Variants in STAB2 observed in about 807,000 individuals in gnomAD.
STAB2 encodes stabilin 2.
In STAB2, 288 loss-of-function variants were observed where a neutral mutation model predicts 338.1. The observed-to-expected ratio is 0.85, with a 90% CI of 0.77 to 0.94. The LOEUF (loss-of-function observed/expected upper bound fraction) is 0.94, where lower values mean the gene tolerates loss of function less well. STAB2 is among the 40% of genes least tolerant of loss of function. The pLI is 0.00. For missense variants in STAB2, 3,141 were observed against 3,210.1 expected (o/e 0.98, Z 0.52); for synonymous variants, 1,202 against 1,193.3 (o/e 1.01, Z -0.15).
intron 25 of STAB2, among the ~76,000 whole-genome samples, chr12:103,681,060 G>A (rs1876854973): frequency 6.6e-6 from 1 of 152,162 alleles, no homozygotes. Flanking sequence ...AGCCACATAG[G>A]GTAAGTCCCA....
At chr12:103,686,837 C>G (rs894559254) in intron 27 of STAB2, among the ~76,000 whole-genome samples, 1 of 152,100 alleles carries the variant, frequency 6.6e-6, no homozygotes, top group Non-Finnish European at 1.5e-5. Flanking sequence ...GTTTAGCCGC[C>G]ACCTCCCCAG....
chr12:103,752,268 C>G (rs1474636450), intron 60 of STAB2, among the ~76,000 whole-genome samples: 4 of 152,132 alleles, frequency 2.6e-5, no homozygotes, highest in Non-Finnish European at 5.9e-5. Context: ...TTTGTTGTCT[C>G]AATAAAGAGA....
At chr12:103,678,866 T>G (rs780030731) in intron 25 of STAB2, among the ~76,000 whole-genome samples, 2 of 152,118 alleles carry the variant, frequency 1.3e-5, no homozygotes, top group Admixed American at 6.5e-5. Flanking sequence ...AAGAAGTTTT[T>G]AGGGCCTCCC....
intron 11 of STAB2, among the ~76,000 whole-genome samples, chr12:103,651,314 ATT>A (rs10669870): frequency 1.5e-5 from 2 of 132,686 alleles, no homozygotes; most frequent in Admixed American, 7.7e-5. Context: ...CCTGATCTTG[ATT>A]TTTTTTTTTT....
intron 45 of STAB2, 147 bp from the exon 46 acceptor site, chr12:103,725,969 A>T (rs975689395): frequency 3.0e-6 from 2 of 665,834 alleles, no homozygotes; most frequent in African/African-American, 1.8e-5. Flanking sequence ...CTGAACGTTA[A>T]TTGTCAGCCT....
intron 25 of STAB2, among the ~76,000 whole-genome samples, chr12:103,681,568 A>T (rs1046585688): frequency 7.2e-6 from 1 of 138,436 alleles, no homozygotes. Flanking sequence ...TCACGTTCAG[A>T]TGTTGTTCTC....
At chr12:103,626,011 C>G (rs1262923409) in intron 5 of STAB2, among the ~76,000 whole-genome samples, 2 of 152,034 alleles carry the variant, frequency 1.3e-5, no homozygotes, top group African/African-American at 2.4e-5. Context: ...CACATCCTCT[C>G]CAGCACCTGT....
rs1217177621 is a variant in STAB2, at chr12:103,763,558, T to C, written c.7555T>C (p.Tyr2519His). The change falls in exon 68 of 69, where the codon TAT (tyrosine) becomes CAT (histidine). Residue 2519 changes from tyrosine (Y) to histidine (H), a missense_variant. Coordinates refer to ENST00000388887, the MANE Select transcript of STAB2 (RefSeq NM_017564.10). ...GCCTGAGAATATCTCGAACCCCTTG[T>C]ATGAGAGCACAACCTCAGCTCCCCC... The part of the protein sequence containing the change: ...QQPENISNPL[Y>H]ESTTSAPPEP... 1.9e-6 allele frequency: 3 copies of C among 1,613,986 alleles called. No homozygotes were observed. The highest frequency in any genetic ancestry group is 2.5e-6 in the Non-Finnish European group (3 of 1,179,992).
intron 11 of STAB2, among the ~76,000 whole-genome samples, chr12:103,650,796 C>A (rs999781157): frequency 2.0e-5 from 3 of 152,166 alleles, no homozygotes; most frequent in African/African-American, 7.2e-5. Flanking sequence ...CCAACGTGAA[C>A]CTACTTGTGT....
chr12:103,615,609 C>T lies in STAB2; in HGVS notation c.332-4859C>T, dbSNP rs192536783. On this transcript the variant is annotated intron_variant, in intron 3 of 68. Coordinates refer to ENST00000388887, the MANE Select transcript of STAB2 (RefSeq NM_017564.10). ...ATCTAAGAGGTGCTTGTTAATGGCT[C>T]GCATACTGTATTAGTCCATTCTCAC... Among the ~76,000 whole-genome samples, 329 of 152,174 alleles carry T rather than the reference C, an allele frequency of 2.2e-3. 2 individuals are homozygous for T. The highest frequency in any genetic ancestry group is 7.5e-3 in the African/African-American group (310 of 41,496).
At chr12:103,650,870 T>C (rs1873688738) in intron 11 of STAB2, among the ~76,000 whole-genome samples, 1 of 152,198 alleles carries the variant, frequency 6.6e-6, no homozygotes, top group Non-Finnish European at 1.5e-5. Context: ...ATCATTACCC[T>C]CTACAGGTAA....
chr12:103,612,399 T>C (rs1306133981), intron 3 of STAB2, among the ~76,000 whole-genome samples: 2 of 152,244 alleles, frequency 1.3e-5, no homozygotes, highest in Non-Finnish European at 2.9e-5. Context: ...TATTCTTTTT[T>C]CTCTAAACTT....
intron 43 of STAB2, 25 bp from the exon 44 acceptor site, chr12:103,717,745 C>T (rs1323809924): frequency 2.6e-5 from 42 of 1,613,106 alleles, no homozygotes; most frequent in Non-Finnish European, 3.4e-5. Context: ...GCAAAATGAC[C>T]CCATGTGCTT....
At chr12:103,713,581 A>G in intron 41 of STAB2, 62 bp from the exon 42 acceptor site, 2 of 1,597,414 alleles carry the variant, frequency 1.3e-6, no homozygotes, top group East Asian at 4.5e-5. Flanking sequence ...TGACTTGAGG[A>G]AAAATACATC....
intron 26 of STAB2, among the ~76,000 whole-genome samples, chr12:103,683,936 G>A (rs967685949): frequency 6.6e-6 from 1 of 152,170 alleles, no homozygotes. Flanking sequence ...CCATGCAGAA[G>A]ATAAATTTGC....
At chr12:103,603,059 T>C (rs779833024) in intron 3 of STAB2, among the ~76,000 whole-genome samples, 26 of 152,130 alleles carry the variant, frequency 1.7e-4, no homozygotes, top group Non-Finnish European at 2.8e-4. Flanking sequence ...TTAATTCTTT[T>C]TTTTGTTTTT....
chr12:103,616,289 A>G (rs1957209652), intron 3 of STAB2, among the ~76,000 whole-genome samples: 1 of 152,138 alleles, frequency 6.6e-6, no homozygotes, highest in South Asian at 2.1e-4. Context: ...AACAGGAATG[A>G]GCTGAGTGGA....
In STAB2 at chr12:103,635,531, G is replaced by A. The variant is rs1379809213; in HGVS notation, c.584-1580G>A. 2.6e-5 allele frequency among the ~76,000 whole-genome samples: 4 copies of A among 152,222 alleles called. No individual in the cohort carries two copies. In the East Asian group the frequency reaches 7.7e-4, roughly 29 times the overall value. Reference sequence around the variant, plus strand: ...TGCACACTGTCCAGTGCTTGACTCAGGAAGTGGCAGCACAGCCAGGAGCCC... The same window carrying A: ...TGCACACTGTCCAGTGCTTGACTCAAGAAGTGGCAGCACAGCCAGGAGCCC... On this transcript the variant is annotated intron_variant, in intron 6 of 68. Coordinates refer to ENST00000388887, the MANE Select transcript of STAB2 (RefSeq NM_017564.10).
chr12:103,755,581 G>A, intron 62 of STAB2, 31 bp from the exon 63 acceptor site: 1 of 1,613,648 alleles, frequency 6.2e-7, no homozygotes, highest in Non-Finnish European at 8.5e-7. Flanking sequence ...TGCCTTACTT[G>A]TGTGGGACCC....
Sources: gnomAD v4.1 joint callset for allele counts (sites outside exome capture counted in the v4.1 genomes callset) on GRCh38, gnomAD v4.1.1 for gene constraint, MANE v1.5 for transcripts, NCBI Gene and HGNC (gene_info 2026-07-23, HGNC 2026-07-21) for gene names.